ARHGEF10: variants seen among roughly 807,000 people sequenced by gnomAD.
The protein encoded by ARHGEF10 is Rho guanine nucleotide exchange factor (GEF) 10.
A neutral mutation model predicts 147.4 loss-of-function variants in ARHGEF10; 140 were observed. The ratio of observed to expected loss-of-function variants is 0.95; its 90% CI spans 0.83 to 1.09. ARHGEF10 has a LOEUF of 1.09. ARHGEF10 is among the 50% of genes least tolerant of loss of function. The pLI, the probability that ARHGEF10 is intolerant of heterozygous loss-of-function variation, is 0.00. For synonymous variants in ARHGEF10, 902 were observed against 695.8 expected, an observed-to-expected ratio of 1.30 and a Z score of -4.67; for missense variants, 2,222 against 1,752.7, an observed-to-expected ratio of 1.27 and a Z score of -4.78.
intron 2 of ARHGEF10, among the ~76,000 whole-genome samples, chr8:1,850,059 G>T (rs1291836975): frequency 1.4e-4 from 16 of 111,468 alleles, no homozygotes; most frequent in Non-Finnish European, 1.9e-4. Context: ...AGGAGGGCGT[G>T]GGCCGGCTGC....
At chr8:1,864,347 G>A in intron 4 of ARHGEF10, 26 bp from the exon 5 acceptor site, 6 of 1,612,654 alleles carry the variant, frequency 3.7e-6, no homozygotes, top group Non-Finnish European at 5.1e-6. Context: ...GCGTAAAGCA[G>A]CATCACATAT....
intron 25 of ARHGEF10, among the ~76,000 whole-genome samples, chr8:1,931,443 C>T (rs986658875): frequency 4.6e-5 from 7 of 152,236 alleles, no homozygotes; most frequent in South Asian, 2.1e-4. Flanking sequence ...TGTGGAGCCC[C>T]GTGCAGGGCT....
chr8:1,872,738 C>T (rs554219433), intron 7 of ARHGEF10, among the ~76,000 whole-genome samples: 12 of 152,324 alleles, frequency 7.9e-5, no homozygotes, highest in African/African-American at 2.9e-4. Context: ...TTCTTAAAAT[C>T]TACCGCCAAC....
Position 1,858,004 on chromosome 8 carries a change from GGAGAACA to G in ARHGEF10, c.84_90del (p.Glu29SerfsTer57). On this transcript the variant is annotated frameshift_variant, in exon 3 of 29. Transcript: ENST00000349830. LOFTEE classifies it high-confidence loss of function. ...TACCAATAATAATGAAGAGGAAGAG[GGAGAACA>G]GTTCGATTTTGACAGTGGAGATGAA... is the stretch of plus-strand genomic sequence containing the variant. The G allele has an allele frequency of 6.2e-7, 1 of 1,614,058 alleles. No individual in the cohort carries two copies. Among genetic ancestry groups the G allele is most frequent in the Non-Finnish European group, 8.5e-7 (1 of 1,180,008 alleles).
intron 26 of ARHGEF10, among the ~76,000 whole-genome samples, chr8:1,941,783 C>A (rs186029141): frequency 6.6e-6 from 1 of 152,132 alleles, no homozygotes; most frequent in African/African-American, 2.4e-5. Context: ...TGACATAGAC[C>A]GGAGACCACG....
chr8:1,912,864 C>T (rs1393221111), intron 18 of ARHGEF10, among the ~76,000 whole-genome samples: 1 of 152,206 alleles, frequency 6.6e-6, no homozygotes, highest in Non-Finnish European at 1.5e-5. Flanking sequence ...CCGATTGGGA[C>T]TGGTGGCGGG....
At chr8:1,839,515 G>A (rs1282863492) in intron 1 of ARHGEF10, among the ~76,000 whole-genome samples, 1 of 146,008 alleles carries the variant, frequency 6.8e-6, no homozygotes, top group Non-Finnish European at 1.5e-5. Context: ...GTCCGGTGTG[G>A]AAGCTGTCCG....
intron 21 of ARHGEF10, 101 bp from the exon 22 acceptor site, chr8:1,925,182 C>A: frequency 6.8e-7 from 1 of 1,470,222 alleles, no homozygotes; most frequent in Non-Finnish European, 9.4e-7. Flanking sequence ...CCTGTACAAA[C>A]AGAATGCCAG....
chr8:1,942,651 A>T (rs1445874347), intron 26 of ARHGEF10, among the ~76,000 whole-genome samples: 2 of 152,184 alleles, frequency 1.3e-5, no homozygotes, highest in African/African-American at 2.4e-5. Context: ...TTATCATAGC[A>T]GTGTTATTTA....
intron 4 of ARHGEF10, among the ~76,000 whole-genome samples, chr8:1,861,983 TTC>T (rs1186589480): frequency 6.6e-6 from 1 of 152,278 alleles, no homozygotes; most frequent in Non-Finnish European, 1.5e-5. Context: ...CTTATTTTTG[TTC>T]TGTCAACCTA....
chr8:1,931,050 C>T (rs1023606693), intron 25 of ARHGEF10, among the ~76,000 whole-genome samples: 5 of 152,238 alleles, frequency 3.3e-5, no homozygotes, highest in Non-Finnish European at 5.9e-5. Context: ...CGGGGTTGGG[C>T]TCTCCCATTC....
chr8:1,830,946 G>A (rs185594803), intron 1 of ARHGEF10, among the ~76,000 whole-genome samples: 27 of 152,366 alleles, frequency 1.8e-4, no homozygotes, highest in Non-Finnish European at 3.7e-4. Context: ...GAGGAACAGC[G>A]TCTGCGCGGC....
intron 25 of ARHGEF10, among the ~76,000 whole-genome samples, chr8:1,931,205 A>C (rs1332520077): frequency 6.6e-6 from 1 of 151,852 alleles, no homozygotes; most frequent in Admixed American, 6.5e-5. Context: ...TGTTCCTACC[A>C]CTCTGCACTC....
At chr8:1,851,388 C>T (rs191055852) in intron 2 of ARHGEF10, among the ~76,000 whole-genome samples, 30 of 140,472 alleles carry the variant, frequency 2.1e-4, no homozygotes, top group Admixed American at 1.0e-3. Flanking sequence ...GCTCCTCACA[C>T]AGAAGGCACA....
intron 11 of ARHGEF10, among the ~76,000 whole-genome samples, chr8:1,890,468 T>C (rs1000575947): frequency 6.8e-6 from 1 of 147,108 alleles, no homozygotes; most frequent in Admixed American, 6.7e-5. Context: ...GTGAGTGTTG[T>C]GAGGAGACAC....
chr8:1,832,371 CAG>C (rs200463697), intron 1 of ARHGEF10, among the ~76,000 whole-genome samples: 14 of 141,292 alleles, frequency 9.9e-5, no homozygotes, highest in African/African-American at 3.4e-4. Flanking sequence ...GAGACAGAGA[CAG>C]AGACAGAGGC....
chr8:1,892,277 CTGTGTGTGTGTGTGTGTGTGTGTGTG>C, intron 11 of ARHGEF10, among the ~76,000 whole-genome samples: 1 of 126,644 alleles, frequency 7.9e-6, no homozygotes, highest in Non-Finnish European at 1.6e-5. Flanking sequence ...GCTTCTGGCT[CTGTGTGTGTGTGTGTGTGTGTGTGTG>C]TGTGTGTGTG....
rs2129024748 is a variant in ARHGEF10, at chr8:1,824,047, A to G, written c.-114A>G. On this transcript the variant is annotated 5_prime_UTR_variant, in exon 1 of 29. Transcript: ENST00000349830. ...GGGGGACGGCGGGGAACAGCGGGGG[A>G]CGGCGGGGAACAGCGGGGGACGGCG... The G allele has an allele frequency of 3.3e-5, 3 of 90,392 alleles. No homozygotes were observed. Among genetic ancestry groups the G allele is most frequent in the South Asian group, 4.8e-4 (1 of 2,090 alleles). The allele number at this position is 90,392 out of a possible 1,614,324, so 5.6% of individuals were successfully genotyped here.
intron 18 of ARHGEF10, among the ~76,000 whole-genome samples, chr8:1,918,915 T>C (rs1264141260): frequency 1.3e-5 from 2 of 151,576 alleles, no homozygotes; most frequent in African/African-American, 4.9e-5. Context: ...GACGGAGGTG[T>C]TCTGTGAGTG....
Sources: gnomAD v4.1 joint callset for allele counts (sites outside exome capture counted in the v4.1 genomes callset) on GRCh38, gnomAD v4.1.1 for gene constraint, MANE v1.5 for transcripts, NCBI Gene and HGNC (gene_info 2026-07-23, HGNC 2026-07-21) for gene names.